GRM1: variants seen among roughly 807,000 people sequenced by gnomAD.
GRM1 encodes metabotropic glutamate receptor 1.
In GRM1, 33 loss-of-function variants were observed where a neutral mutation model predicts 90.9. The observed-to-expected ratio is 0.36, with a 90% confidence interval of 0.28 to 0.49. The LOEUF (loss-of-function observed/expected upper bound fraction) is 0.49, where lower values mean the gene tolerates loss of function less well. Ranked by LOEUF, GRM1 falls within the 20% of genes least tolerant of loss-of-function variation. GRM1 has a pLI of 0.99. For missense variants in GRM1, 1,190 were observed against 1,534.3 expected, an observed-to-expected ratio of 0.78 and a Z score of 3.75; for synonymous variants, 700 against 613.2, an observed-to-expected ratio of 1.14 and a Z score of -2.09.
intron 2 of GRM1, among the ~76,000 whole-genome samples, chr6:146,217,693 A>G (rs1028992718): frequency 1.3e-5 from 2 of 152,170 alleles, no homozygotes; most frequent in Non-Finnish European, 2.9e-5. Context: ...GTGTGTTTTC[A>G]GCAAGAATAT....
At chr6:146,359,521 TA>T (rs1040524573) in intron 5 of GRM1, among the ~76,000 whole-genome samples, 3 of 152,328 alleles carry the variant, frequency 2.0e-5, no homozygotes, top group African/African-American at 4.8e-5. Flanking sequence ...TTGCAGGTTA[TA>T]TATGGAAAAA....
rs377264022 is a variant in GRM1 at position 146,029,549 on chromosome 6, C to T, written c.32C>T (p.Ala11Val). 21 of 1,613,916 alleles carry T rather than the reference C, an allele frequency of 1.3e-5. No homozygotes were observed. The highest frequency in any genetic ancestry group is 1.6e-4 in the Middle Eastern group (1 of 6,084). Residue 11 changes from alanine to valine, a missense_variant, in exon 1 of 8, where the codon GCG (alanine) becomes GTG (valine). By Grantham distance (64) the Ala-to-Val change is moderately conservative. Coordinates refer to ENST00000282753, the MANE Select transcript of GRM1 (RefSeq NM_001278064.2). MVGLLLFFFP[A>V]IFLEVSLLPR... ...GGGCTCCTTTTGTTTTTTTTCCCAG[C>T]GATCTTTTTGGAGGTGTCCCTTCTC... is the stretch of plus-strand genomic sequence containing the variant.
At chr6:146,098,211 T>A (rs1243780273) in intron 1 of GRM1, among the ~76,000 whole-genome samples, 1 of 152,322 alleles carries the variant, frequency 6.6e-6, no homozygotes, top group South Asian at 2.1e-4. Flanking sequence ...GAATCATTTT[T>A]AATATATTGG....
At chr6:146,098,727 G>T (rs375424390) in intron 1 of GRM1, among the ~76,000 whole-genome samples, 3 of 152,044 alleles carry the variant, frequency 2.0e-5, no homozygotes, top group African/African-American at 7.2e-5. Flanking sequence ...AACCATGGGG[G>T]TGGCTACACT....
intron 2 of GRM1, among the ~76,000 whole-genome samples, chr6:146,252,250 A>T (rs1303059222): frequency 1.3e-5 from 2 of 152,210 alleles, no homozygotes; most frequent in African/African-American, 4.8e-5. Flanking sequence ...CAAAAAACAG[A>T]GGTAATAAAT....
intron 2 of GRM1, among the ~76,000 whole-genome samples, chr6:146,179,030 C>A (rs1183710115): frequency 1.3e-5 from 2 of 152,126 alleles, no homozygotes; most frequent in African/African-American, 2.4e-5. Flanking sequence ...TGGTCAGAAC[C>A]CAGACATATG....
At chr6:146,387,146 T>C in intron 6 of GRM1, 130 bp downstream of exon 6, 2 of 881,906 alleles carry the variant, frequency 2.3e-6, no homozygotes, top group Non-Finnish European at 1.9e-6. Context: ...TTAGTCCTCA[T>C]GTCAAGGAGT....
intron 1 of GRM1, among the ~76,000 whole-genome samples, chr6:146,084,807 T>C (rs1416934527): frequency 6.6e-6 from 1 of 152,222 alleles, no homozygotes; most frequent in African/African-American, 2.4e-5. Context: ...ATTTTCTGTC[T>C]TGTTGATCTG....
chr6:146,033,553 T>A (rs1367939587), intron 1 of GRM1, among the ~76,000 whole-genome samples: 1 of 152,138 alleles, frequency 6.6e-6, no homozygotes, highest in Non-Finnish European at 1.5e-5. Context: ...TATTTATTTA[T>A]CTTAAGCCTT....
chr6:146,159,278 TG>T lies in GRM1; in HGVS notation c.701-69del, dbSNP rs1777625879. 4.4e-6 allele frequency: 7 copies of T among 1,594,146 alleles called. No homozygotes were observed. The South Asian group carries it at 7.8e-5, about 18-fold the overall frequency. ...CTCTCCATTCCTGTGACTAACAAGT[TG>T]TTATTCCATTGTGTAAGTAGTGTTA... On this transcript the variant is annotated intron_variant, in intron 1 of 7. Transcript: ENST00000282753.
rs111295001 is a variant in GRM1, at chr6:146,307,626, G to C, written c.1186+2780G>C. Among the ~76,000 whole-genome samples, 146 of 152,172 alleles carry C rather than the reference G, an allele frequency of 9.6e-4. 2 individuals are homozygous for C. The Middle Eastern group carries it at 0.031, about 32-fold the overall frequency. On this transcript the variant is annotated intron_variant, in intron 3 of 7. Transcript: ENST00000282753. Reference sequence around the variant, plus strand: ...AATTCCATAATCTTCTAACAAATATGCAGACACATCTATGAAAATTAGTGT... The same window carrying C: ...AATTCCATAATCTTCTAACAAATATCCAGACACATCTATGAAAATTAGTGT...
chr6:146,166,798 CCA>C (rs1459276804), intron 2 of GRM1, among the ~76,000 whole-genome samples: 5 of 152,090 alleles, frequency 3.3e-5, no homozygotes, highest in African/African-American at 1.2e-4. Flanking sequence ...CTCTCCATAA[CCA>C]CTTATCTGTC....
rs144650141 is a variant in GRM1 at position 146,072,359 on chromosome 6, C to T, written c.700+42142C>T. ...ATATCTGTACAGTGATGTTGTGATACCCCTCCCTCCTTTCATGCATTATTC... is the reference window on the plus strand; with the variant it reads ...ATATCTGTACAGTGATGTTGTGATATCCCTCCCTCCTTTCATGCATTATTC... On this transcript the variant is annotated intron_variant, in intron 1 of 7. Transcript: ENST00000282753. Among the ~76,000 whole-genome samples, 937 of 152,180 alleles carry T rather than the reference C, an allele frequency of 6.2e-3. 10 individuals carry two copies. The highest frequency in any genetic ancestry group is 0.021 in the African/African-American group (890 of 41,530).
intron 1 of GRM1, among the ~76,000 whole-genome samples, chr6:146,082,811 A>G (rs1397478613): frequency 2.6e-5 from 4 of 152,172 alleles, no homozygotes; most frequent in Non-Finnish European, 5.9e-5. Context: ...CATTGAATCT[A>G]TACATTACTT....
intron 2 of GRM1, among the ~76,000 whole-genome samples, chr6:146,279,486 C>G (rs1206956107): frequency 6.6e-6 from 1 of 151,832 alleles, no homozygotes; most frequent in African/African-American, 2.4e-5. Context: ...TAACTGTATC[C>G]CATAAATTTG....
At chr6:146,227,977 G>T (rs529253447) in intron 2 of GRM1, among the ~76,000 whole-genome samples, 4 of 152,092 alleles carry the variant, frequency 2.6e-5, no homozygotes, top group African/African-American at 7.2e-5. Flanking sequence ...TTCTTTTGTT[G>T]TTGTCAAGCG....
At chr6:146,153,735 G>T (rs1445941698) in intron 1 of GRM1, among the ~76,000 whole-genome samples, 1 of 152,058 alleles carries the variant, frequency 6.6e-6, no homozygotes, top group Non-Finnish European at 1.5e-5. Context: ...ACCAAGGAAG[G>T]TGTTTACCTA....
At chr6:146,404,168 C>T (rs1453863985) in intron 7 of GRM1, among the ~76,000 whole-genome samples, 1 of 151,966 alleles carries the variant, frequency 6.6e-6, no homozygotes, top group Non-Finnish European at 1.5e-5. Context: ...TAGTAAACAT[C>T]AGAAGATTTA....
chr6:146,414,979 G>C (rs1297788717), intron 7 of GRM1, among the ~76,000 whole-genome samples: 1 of 152,114 alleles, frequency 6.6e-6, no homozygotes, highest in Non-Finnish European at 1.5e-5. Context: ...TTACTGTAAT[G>C]CATTATTACT....
Sources: gnomAD v4.1 joint callset for allele counts (sites outside exome capture counted in the v4.1 genomes callset) on GRCh38, gnomAD v4.1.1 for gene constraint, MANE v1.5 for transcripts, NCBI Gene and HGNC (gene_info 2026-07-23, HGNC 2026-07-21) for gene names.